The following PRMT8 variants were observed in gnomAD, a reference collection of about 807,000 sequenced individuals.
The protein encoded by PRMT8 is protein arginine methyltransferase 8.
Under a neutral mutation model 47.1 loss-of-function variants are expected in PRMT8, and 7 were observed. That is an observed-to-expected ratio of 0.15 (90% confidence interval 0.08 to 0.28). PRMT8 has a LOEUF of 0.28. Among genes scored for constraint, PRMT8 ranks in the 10% least tolerant of loss-of-function variants. The pLI is 1.00. For synonymous variants in PRMT8, 188 were observed against 186.5 expected, an observed-to-expected ratio of 1.01 and a Z score of -0.07; for missense variants, 237 against 505.4, an observed-to-expected ratio of 0.47 and a Z score of 5.09.
At chr12:3,417,265 G>A (rs1469924032) in intron 1 of PRMT8, among the ~76,000 whole-genome samples, 2 of 152,226 alleles carry the variant, frequency 1.3e-5, no homozygotes, top group African/African-American at 4.8e-5. Flanking sequence ...CTGCTGTTGT[G>A]ATCAGATTTC....
rs574088293 is a variant in PRMT8 at position 3,522,789 on chromosome 12, A to G, written c.76-17817A>G. On this transcript the variant is annotated intron_variant, in intron 1 of 9. Transcript: ENST00000382622. The stretch of plus-strand genomic sequence containing the variant: ...GGTCAAAAAACTGGAAAACAAACAA[A>G]CAAAAAACAAACAAACAAAAAAAAA... 2.6e-5 allele frequency among the ~76,000 whole-genome samples: 4 copies of G among 151,608 alleles called. No individual in the cohort carries two copies. In the East Asian group the frequency reaches 7.7e-4, roughly 29 times the overall value.
chr12:3,536,281 T>C (rs1411586263), intron 1 of PRMT8, among the ~76,000 whole-genome samples: 1 of 152,178 alleles, frequency 6.6e-6, no homozygotes, highest in Non-Finnish European at 1.5e-5. Flanking sequence ...TGTCAGCCAA[T>C]GGGCAGAGTG....
rs796442534 is a variant in PRMT8 at position 3,554,028 on chromosome 12, C to T, written c.481+314C>T. 2.6e-5 allele frequency among the ~76,000 whole-genome samples: 4 copies of T among 152,084 alleles called. 1 individual carries two copies. The South Asian group carries it at 8.3e-4, about 31-fold the overall frequency. The stretch of plus-strand genomic sequence containing the variant: ...TGCCTTCTGCAAAATGGCCACATTC[C>T]TCCTCCTCCTCCTCTTCCTCCTCTT... On this transcript the variant is annotated intron_variant, in intron 4 of 9. Transcript: ENST00000382622.
At position 3,499,061 on chromosome 12, in the gene PRMT8, G is replaced by A. The variant is rs74375673; in HGVS notation, c.75+7361G>A. On this transcript the variant is annotated intron_variant, in intron 1 of 9. Transcript: ENST00000382622. ...CATTCTTTCCTGTGTGTGTCTATACGTCTTCTTATAAGGACAACAGTCTTG... is the reference window on the plus strand; with the variant it reads ...CATTCTTTCCTGTGTGTGTCTATACATCTTCTTATAAGGACAACAGTCTTG... Among the ~76,000 whole-genome samples the A allele has an allele frequency of 1.2e-3, 176 of 152,098 alleles. 1 individual carries two copies. The highest frequency in any genetic ancestry group is 4.2e-3 in the African/African-American group (173 of 41,486).
At chr12:3,399,930 G>A (rs998351100) in intron 1 of PRMT8, among the ~76,000 whole-genome samples, 2 of 152,138 alleles carry the variant, frequency 1.3e-5, no homozygotes, top group African/African-American at 2.4e-5. Flanking sequence ...TTTTGGCTTG[G>A]TTAATGAGTA....
Position 3,473,875 on chromosome 12 carries a change from A to G in PRMT8, c.49-66731A>G, listed in dbSNP as rs374111031. Among the ~76,000 whole-genome samples, 5 of 152,042 alleles carry G rather than the reference A, an allele frequency of 3.3e-5. 1 individual carries two copies. The highest frequency in any genetic ancestry group is 6.5e-5 in the Admixed American group (1 of 15,274). On this transcript the variant is annotated intron_variant, in intron 1 of 9. Coordinates refer to the PRMT8 transcript ENST00000452611. ...GGGCAGTTCCTTCTCCTTCAGGCCGACACCCCATCCTTGTGTCATTGTCCC... is the reference window on the plus strand; with the variant it reads ...GGGCAGTTCCTTCTCCTTCAGGCCGGCACCCCATCCTTGTGTCATTGTCCC...
chr12:3,401,555 A>G (rs999003256), intron 1 of PRMT8, among the ~76,000 whole-genome samples: 24 of 152,164 alleles, frequency 1.6e-4, no homozygotes, highest in Admixed American at 1.6e-3. Flanking sequence ...ACAGGATAAC[A>G]TGATCCTATA....
chr12:3,481,208 G>T (rs1865271315), intron 1 of PRMT8, among the ~76,000 whole-genome samples: 1 of 152,214 alleles, frequency 6.6e-6, no homozygotes, highest in Admixed American at 6.5e-5. Flanking sequence ...AGAGCAGCCA[G>T]CCCAGTGCTT....
rs528640631 is a variant in PRMT8, at chr12:3,414,714, G to C, written c.48+33272G>C. Reference sequence around the variant, plus strand: ...ATATTGGGCGATAGAAGAGGCTCTTGGTGGGATGGGGAGTTGGAAAGGGGA... The same window carrying C: ...ATATTGGGCGATAGAAGAGGCTCTTCGTGGGATGGGGAGTTGGAAAGGGGA... On this transcript the variant is annotated intron_variant, in intron 1 of 9. Coordinates refer to the PRMT8 transcript ENST00000452611. Among the ~76,000 whole-genome samples the C allele has an allele frequency of 5.9e-5, 9 of 152,264 alleles. No individual in the cohort carries two copies. The South Asian group carries it at 1.9e-3, about 32-fold the overall frequency.
chr12:3,409,021 G>T lies in PRMT8; in HGVS notation c.48+27579G>T, dbSNP rs934471396. ...GGTTAGACATGGCCCACGAGTGGCT[G>T]CAGTGGTGCTGGGTTCTGGGGTGCA... On this transcript the variant is annotated intron_variant, in intron 1 of 9. Coordinates refer to the PRMT8 transcript ENST00000452611. This position sits in a 1 kb window ranked among gnomAD's most constrained non-coding sequence, Gnocchi z 4.4. 3.3e-5 allele frequency among the ~76,000 whole-genome samples: 5 copies of T among 152,198 alleles called. No homozygotes were observed. Among genetic ancestry groups the T allele is most frequent in the Non-Finnish European group, 5.9e-5 (4 of 68,044 alleles).
chr12:3,519,403 G>C lies in PRMT8; in HGVS notation c.76-21203G>C, dbSNP rs117628851. Reference sequence around the variant, plus strand: ...GGCAGGGCTGGGGGAAGGTTCTAGAGGCTCAAGCAACAAAGAGGTGCCGGG... The same window carrying C: ...GGCAGGGCTGGGGGAAGGTTCTAGACGCTCAAGCAACAAAGAGGTGCCGGG... On this transcript the variant is annotated intron_variant, in intron 1 of 9. Coordinates refer to ENST00000382622, the MANE Select transcript of PRMT8 (RefSeq NM_019854.5). 3.1e-3 allele frequency among the ~76,000 whole-genome samples: 474 copies of C among 152,290 alleles called. 4 individuals are homozygous for C. The East Asian group carries it at 0.044, about 14-fold the overall frequency.
rs986726795 is a variant in PRMT8, at chr12:3,466,820, C to A, written c.49-73786C>A. 3.3e-5 allele frequency among the ~76,000 whole-genome samples: 5 copies of A among 152,244 alleles called. No individual in the cohort carries two copies. The East Asian group carries it at 9.7e-4, about 29-fold the overall frequency. On this transcript the variant is annotated intron_variant, in intron 1 of 9. Coordinates refer to the PRMT8 transcript ENST00000452611. ...TAAACAAATCGATGTCTCTTTTCTA[C>A]AAAACAAACTCTTCATGGAGCTCCT...
At chr12:3,578,573 A>G (rs1175677746) in intron 7 of PRMT8, among the ~76,000 whole-genome samples, 1 of 152,186 alleles carries the variant, frequency 6.6e-6, no homozygotes, top group Non-Finnish European at 1.5e-5. Flanking sequence ...TCATCTTGCT[A>G]ACATGCCGGC....
intron 1 of PRMT8, chr12:3,462,607 A>G (rs1369731092): frequency 6.6e-6 from 1 of 151,996 alleles, no homozygotes; most frequent in African/African-American, 2.4e-5. Flanking sequence ...GATGACTTAA[A>G]AGGACCCACC....
intron 1 of PRMT8, among the ~76,000 whole-genome samples, chr12:3,540,081 A>C (rs1866193499): frequency 6.6e-6 from 1 of 152,144 alleles, no homozygotes; most frequent in Non-Finnish European, 1.5e-5. Context: ...AACTTGTCTA[A>C]TCCTCAGGAC....
chr12:3,468,936 T>G (rs1325338764), intron 1 of PRMT8: 1 of 219,482 alleles, frequency 4.6e-6, no homozygotes, highest in African/African-American at 2.4e-5. Flanking sequence ...CTCTCTCCAG[T>G]CCATGCCTCC....
chr12:3,386,992 G>C (rs769938941), intron 1 of PRMT8, among the ~76,000 whole-genome samples: 19 of 152,278 alleles, frequency 1.2e-4, no homozygotes, highest in Non-Finnish European at 2.4e-4. Flanking sequence ...ACAGGCATGA[G>C]CCACCACGCC....
rs1003254057 is a variant in PRMT8 at position 3,436,676 on chromosome 12, G to C, written c.48+55234G>C. On this transcript the variant is annotated intron_variant, in intron 1 of 9. Coordinates refer to the PRMT8 transcript ENST00000452611. This position sits in a 1 kb window ranked among gnomAD's most constrained non-coding sequence, Gnocchi z 4.2. ...AATTGGGTTACGGGGCTGCTAATATGATTGTGCTGCCTGGAAATGCAAAAG... is the reference window on the plus strand; with the variant it reads ...AATTGGGTTACGGGGCTGCTAATATCATTGTGCTGCCTGGAAATGCAAAAG... Among the ~76,000 whole-genome samples the C allele has an allele frequency of 6.6e-6, 1 of 152,178 alleles. No individual in the cohort carries two copies. Among genetic ancestry groups the C allele is most frequent in the Admixed American group, 6.5e-5 (1 of 15,280 alleles).
intron 1 of PRMT8, among the ~76,000 whole-genome samples, chr12:3,442,520 C>T (rs564870888): frequency 5.9e-4 from 90 of 152,252 alleles, no homozygotes; most frequent in African/African-American, 2.2e-3. Context: ...GCTGCCTGTT[C>T]TCCTGGGATG....
Sources: gnomAD v4.1 joint callset for allele counts (sites outside exome capture counted in the v4.1 genomes callset) on GRCh38, gnomAD v4.1.1 for gene constraint, Gnocchi (gnomAD v3.1) non-coding constraint, MANE v1.5 for transcripts, NCBI Gene and HGNC (gene_info 2026-07-23, HGNC 2026-07-21) for gene names.